ZNF362: variants seen among roughly 807,000 people sequenced by gnomAD.
ZNF362 encodes zinc finger protein 362.
ZNF362 carries 11 observed loss-of-function variants against 42.9 expected under a neutral mutation model. The ratio of observed to expected loss-of-function variants is 0.26; its 90% CI spans 0.16 to 0.42. The LOEUF is 0.42. Among genes scored for constraint, ZNF362 ranks in the 20% least tolerant of loss-of-function variants. The pLI, the probability that ZNF362 is intolerant of heterozygous loss-of-function variation, is 1.00. For synonymous variants in ZNF362, 255 were observed against 257.3 expected (o/e 0.99, Z 0.09); for missense variants, 362 against 576.2 (o/e 0.63, Z 3.81).
At chr1:33,235,554 A>G in the ZNF362 span, among the ~76,000 whole-genome samples, 1 of 152,232 alleles carries the variant, frequency 6.6e-6, no homozygotes, top group Admixed American at 6.5e-5. Flanking sequence ...AAAGCACAGT[A>G]AGGCAGACTT....
intron 2 of ZNF362, among the ~76,000 whole-genome samples, chr1:33,271,046 TC>T (rs993854148): frequency 6.6e-6 from 1 of 152,176 alleles, no homozygotes. Flanking sequence ...TCTGCTCTGC[TC>T]CCCAGGGGCC....
the ZNF362 span, chr1:33,165,322 C>T: frequency 6.7e-5 from 44 of 656,062 alleles, no homozygotes; most frequent in African/African-American, 6.8e-4. This position sits in a 1 kb window ranked among gnomAD's most constrained non-coding sequence, Gnocchi z 4.0. Context: ...CTCTTCCCCA[C>T]CCTGCCCTTC....
the ZNF362 span, among the ~76,000 whole-genome samples, chr1:33,189,634 C>CATATATATATATATAT: frequency 3.8e-4 from 21 of 55,516 alleles, no homozygotes; most frequent in South Asian, 8.3e-4. Context: ...CACATTCCAG[C>CATATATATATATATAT]ATATATATAT....
chr1:33,266,861 A>T lies in ZNF362; in HGVS notation c.-88-3626A>T, dbSNP rs1361415066. On this transcript the variant is annotated intron_variant, in intron 1 of 8. Transcript: ENST00000539719. This position sits in a 1 kb window ranked among gnomAD's most constrained non-coding sequence, Gnocchi z 4.3. ...CACACCTGGTGAGATGAGTGTGGCCAGGGGACCTTCTTGGCGAAAACCCGA... is the reference window on the plus strand; with the variant it reads ...CACACCTGGTGAGATGAGTGTGGCCTGGGGACCTTCTTGGCGAAAACCCGA... Among the ~76,000 whole-genome samples the T allele has an allele frequency of 1.3e-5, 2 of 152,202 alleles. No individual in the cohort carries two copies. The highest frequency in any genetic ancestry group is 4.8e-5 in the African/African-American group (2 of 41,456).
intron 6 of ZNF362, among the ~76,000 whole-genome samples, chr1:33,283,684 G>T (rs1646012708): frequency 6.6e-6 from 1 of 152,098 alleles, no homozygotes; most frequent in African/African-American, 2.4e-5. Context: ...CAGCCTGGGG[G>T]ACAGAGTGAG....
the ZNF362 span, among the ~76,000 whole-genome samples, chr1:33,140,993 T>G: frequency 2.4e-3 from 367 of 152,294 alleles, 2 homozygotes; most frequent in African/African-American, 8.4e-3. This position sits in a 1 kb window ranked among gnomAD's most constrained non-coding sequence, Gnocchi z 4.0. Flanking sequence ...GAGACTTGGA[T>G]CTGGCCCTGA....
the ZNF362 span, among the ~76,000 whole-genome samples, chr1:33,225,031 A>G: frequency 6.6e-6 from 1 of 152,204 alleles, no homozygotes; most frequent in Non-Finnish European, 1.5e-5. Context: ...CATTACAACT[A>G]TGAACTGATC....
intron 2 of ZNF362, among the ~76,000 whole-genome samples, chr1:33,275,542 C>A (rs1328888041): frequency 6.6e-6 from 1 of 152,228 alleles, no homozygotes; most frequent in Non-Finnish European, 1.5e-5. Flanking sequence ...GGGCAATAAT[C>A]ATTTGGGTCA....
chr1:33,252,694 A>G (rs1645768284), upstream of ZNF362, among the ~76,000 whole-genome samples: 1 of 152,238 alleles, frequency 6.6e-6, no homozygotes, highest in African/African-American at 2.4e-5. Context: ...ACACTGGAGT[A>G]GGTGCTTTGT....
At chr1:33,231,627 A>C in the ZNF362 span, among the ~76,000 whole-genome samples, 1 of 152,306 alleles carries the variant, frequency 6.6e-6, no homozygotes, top group East Asian at 1.9e-4. Context: ...ATGCCTGTGT[A>C]GTTATTTTGT....
chr1:33,186,154 T>C, the ZNF362 span, among the ~76,000 whole-genome samples: 1 of 152,210 alleles, frequency 6.6e-6, no homozygotes, highest in African/African-American at 2.4e-5. Flanking sequence ...GTGAAAATCT[T>C]GACTTACCCA....
the ZNF362 span, among the ~76,000 whole-genome samples, chr1:33,219,760 A>G: frequency 0.99 from 150,664 of 152,162 alleles, 74,604 homozygotes; most frequent in Middle Eastern, 1. Flanking sequence ...GGCAAATCAC[A>G]GCTCTAGCCT....
At chr1:33,183,020 C>T in the ZNF362 span, among the ~76,000 whole-genome samples, 1 of 152,124 alleles carries the variant, frequency 6.6e-6, no homozygotes, top group African/African-American at 2.4e-5. Context: ...GCACTCAGCA[C>T]ACAGTAAAGG....
At chr1:33,261,254 T>A (rs1645826194) in intron 1 of ZNF362, 1 of 152,144 alleles carries the variant, frequency 6.6e-6, no homozygotes, top group Non-Finnish European at 1.5e-5. Context: ...AAAACCCCCC[T>A]CCAGTGAACT....
chr1:33,291,166 T>G (rs1173498093), intron 6 of ZNF362, among the ~76,000 whole-genome samples: 2 of 152,236 alleles, frequency 1.3e-5, no homozygotes, highest in African/African-American at 4.8e-5. Flanking sequence ...TGGTAATGCC[T>G]AGGTTTTCTT....
chr1:33,159,816 G>C, the ZNF362 span: 18 of 1,613,744 alleles, frequency 1.1e-5, no homozygotes, highest in Non-Finnish European at 1.5e-5. This position sits in a 1 kb window ranked among gnomAD's most constrained non-coding sequence, Gnocchi z 4.2. Flanking sequence ...CTTTCTGCTC[G>C]ATGTCGGTCA....
At chr1:33,176,338 A>G in the ZNF362 span, 1 of 639,006 alleles carries the variant, frequency 1.6e-6, no homozygotes, top group East Asian at 2.8e-5. Context: ...CGAAATTTGA[A>G]CCTAGCCCCC....
chr1:33,133,621 G>C, the ZNF362 span, among the ~76,000 whole-genome samples: 3 of 152,330 alleles, frequency 2.0e-5, no homozygotes, highest in South Asian at 4.1e-4. Flanking sequence ...CAAAGGGATG[G>C]GGCATCAGGG....
chr1:33,236,550 A>AAAAAT, the ZNF362 span, among the ~76,000 whole-genome samples: 3 of 5,978 alleles, frequency 5.0e-4, no homozygotes, highest in African/African-American at 1.2e-3. Context: ...AAAAAAAAAA[A>AAAAAT]ATATATATAT....
Sources: gnomAD v4.1 joint callset for allele counts (sites outside exome capture counted in the v4.1 genomes callset) on GRCh38, gnomAD v4.1.1 for gene constraint, Gnocchi (gnomAD v3.1) non-coding constraint, MANE v1.5 for transcripts, NCBI Gene and HGNC (gene_info 2026-07-23, HGNC 2026-07-21) for gene names.